Variants in TBXAS1 observed in about 807,000 individuals in gnomAD.
TBXAS1 encodes the protein thromboxane A synthase 1, also known as thromboxane-A synthase.
TBXAS1 carries 48 observed loss-of-function variants against 60.7 expected under a neutral mutation model. The ratio of observed to expected loss-of-function variants is 0.79; its 90% confidence interval spans 0.63 to 1.01. The LOEUF (loss-of-function observed/expected upper bound fraction) is 1.01. TBXAS1 is among the 50% of genes least tolerant of loss of function. The probability of loss-of-function intolerance (pLI) is 0.00; values close to 1 mark genes in which losing one functional copy is unlikely to be tolerated. For synonymous variants in TBXAS1, 287 were observed against 269.7 expected (o/e 1.06, Z -0.63); for missense variants, 685 against 686.3 (o/e 1.00, Z 0.02).
intron 5 of TBXAS1, among the ~76,000 whole-genome samples, chr7:139,950,608 C>G (rs1809129791): frequency 6.6e-6 from 1 of 152,102 alleles, no homozygotes; most frequent in African/African-American, 2.4e-5. Context: ...TTGGTTACCA[C>G]CTCCACGTGG....
chr7:139,906,144 C>T, intron 3 of TBXAS1: 1 of 369,448 alleles, frequency 2.7e-6, no homozygotes, highest in Non-Finnish European at 5.3e-6. Flanking sequence ...CAACCTCCAC[C>T]TTCCAGGTTC....
intron 4 of TBXAS1, among the ~76,000 whole-genome samples, chr7:139,798,449 A>G (rs1797627587): frequency 6.6e-6 from 1 of 152,228 alleles, no homozygotes; most frequent in African/African-American, 2.4e-5. Context: ...ACTGCCTAAC[A>G]TATGGCTCAC....
chr7:140,003,024 T>A (rs532295275), intron 9 of TBXAS1, among the ~76,000 whole-genome samples: 17 of 147,784 alleles, frequency 1.2e-4, no homozygotes, highest in Admixed American at 2.7e-4. Context: ...CTCGGGAGGC[T>A]GAGGCAGAAG....
intron 3 of TBXAS1, among the ~76,000 whole-genome samples, chr7:139,898,413 C>CTTTTTTTTTTTTTTTT (rs71170921): frequency 1.1e-4 from 9 of 82,252 alleles, no homozygotes; most frequent in African/African-American, 4.4e-4. Context: ...ACGTGCATGG[C>CTTTTTTTTTTTTTTTT]TTTTTTTTTT....
chr7:139,778,431 A>G lies in TBXAS1; in HGVS notation c.-358A>G, dbSNP rs1244714278. The G allele has an allele frequency of 1.3e-5, 2 of 153,078 alleles. No homozygotes were observed. Among genetic ancestry groups the G allele is most frequent in the African/African-American group, 4.8e-5 (2 of 41,304 alleles). 9.5% of individuals were successfully genotyped at this position (153,078 alleles called of 1,614,324 possible). ...CCCGAAAGAGAGCCCCACGCTGGCA[A>G]AGTGGCTCGCCCATCTCACAGCCGG... is the stretch of plus-strand genomic sequence containing the variant. On this transcript the variant is annotated 5_prime_UTR_variant, in exon 1 of 17. Coordinates refer to the TBXAS1 transcript ENST00000336425. This position sits in a 1 kb window ranked among gnomAD's most constrained non-coding sequence, Gnocchi z 4.8.
intron 4 of TBXAS1, among the ~76,000 whole-genome samples, chr7:139,791,806 TTG>T (rs372390916): frequency 0.12 from 13,006 of 105,132 alleles, 714 homozygotes; most frequent in East Asian, 0.27. Context: ...TTGGAATGTT[TTG>T]TTTTTTTTTT....
At chr7:139,821,433 A>G (rs904221154) in intron 4 of TBXAS1, among the ~76,000 whole-genome samples, 1 of 152,232 alleles carries the variant, frequency 6.6e-6, no homozygotes, top group African/African-American at 2.4e-5. Flanking sequence ...TGAGATTGCA[A>G]TGTGATAGGT....
At chr7:139,805,658 TTC>T (rs774594041) in intron 4 of TBXAS1, among the ~76,000 whole-genome samples, 84 of 137,106 alleles carry the variant, frequency 6.1e-4, no homozygotes, top group Middle Eastern at 3.5e-3. Context: ...TCCCTTCTTT[TTC>T]TCTTTCTTTC....
intron 1 of TBXAS1, among the ~76,000 whole-genome samples, chr7:139,839,425 G>A (rs1317083644): frequency 6.6e-6 from 1 of 152,106 alleles, no homozygotes; most frequent in Non-Finnish European, 1.5e-5. Flanking sequence ...GAAGCGGCAA[G>A]GAAGGTGAGT....
intron 4 of TBXAS1, among the ~76,000 whole-genome samples, chr7:139,933,696 T>G (rs1056956709): frequency 6.6e-6 from 1 of 152,136 alleles, no homozygotes. Context: ...TATCAGAAAA[T>G]TATAATTTTC....
intron 2 of TBXAS1, among the ~76,000 whole-genome samples, chr7:139,873,558 C>T (rs73734133): frequency 0.054 from 8,284 of 152,090 alleles, 625 homozygotes; most frequent in African/African-American, 0.17. Flanking sequence ...CAAACATAAG[C>T]CTAAGCTTTG....
At chr7:140,018,367 T>C (rs1815268909) in intron 12 of TBXAS1, among the ~76,000 whole-genome samples, 1 of 151,990 alleles carries the variant, frequency 6.6e-6, no homozygotes, top group Non-Finnish European at 1.5e-5. Context: ...AGCTTTGCCT[T>C]CCCCCCTTGT....
At chr7:139,922,898 C>T (rs1003315768) in intron 4 of TBXAS1, among the ~76,000 whole-genome samples, 1 of 152,162 alleles carries the variant, frequency 6.6e-6, no homozygotes, top group African/African-American at 2.4e-5. Context: ...TTGAATAGCA[C>T]CTTTGTCATA....
rs1290518517 is a variant in TBXAS1 at position 139,843,489 on chromosome 7, C to T, written c.89+14010C>T. Among the ~76,000 whole-genome samples the T allele has an allele frequency of 3.9e-5, 6 of 152,188 alleles. No homozygotes were observed. The East Asian group carries it at 5.8e-4, about 15-fold the overall frequency. ...TCCTGAGTAGCTGGGGCTACAGGTG[C>T]GTGCCACCATACCCAGCTAATTTTT... On this transcript the variant is annotated intron_variant, in intron 1 of 12. Coordinates refer to ENST00000448866, the MANE Select transcript of TBXAS1 (RefSeq NM_001061.7).
chr7:139,816,071 T>A (rs1197475967), intron 4 of TBXAS1, among the ~76,000 whole-genome samples: 6 of 152,072 alleles, frequency 3.9e-5, no homozygotes, highest in Admixed American at 3.9e-4. Flanking sequence ...AGTGAGTGAG[T>A]TCTCATGAGA....
intron 4 of TBXAS1, among the ~76,000 whole-genome samples, chr7:139,806,755 C>T (rs1797888409): frequency 2.0e-5 from 3 of 152,124 alleles, no homozygotes; most frequent in African/African-American, 7.2e-5. Context: ...TCCCCATCCT[C>T]CCTCTCATCT....
At chr7:140,000,385 G>C (rs1473914070) in intron 9 of TBXAS1, among the ~76,000 whole-genome samples, 1 of 152,162 alleles carries the variant, frequency 6.6e-6, no homozygotes, top group Non-Finnish European at 1.5e-5. Context: ...GCTTGCACCT[G>C]TAGTCCCAGT....
chr7:139,938,159 G>T (rs545178713), intron 5 of TBXAS1, among the ~76,000 whole-genome samples: 1 of 152,150 alleles, frequency 6.6e-6, no homozygotes, highest in Non-Finnish European at 1.5e-5. Context: ...GCTGGCCCGC[G>T]GCCCACATGT....
rs572816457 is a variant in TBXAS1 at position 139,913,928 on chromosome 7, G to A, written c.333+2607G>A. The A allele has an allele frequency of 1.3e-4, 20 of 152,854 alleles. 1 individual carries two copies. The East Asian group carries it at 3.5e-3, about 27-fold the overall frequency. 9.5% of individuals were successfully genotyped at this position (152,854 alleles called of 1,614,324 possible). On this transcript the variant is annotated intron_variant, in intron 4 of 12. Coordinates refer to ENST00000448866, the MANE Select transcript of TBXAS1 (RefSeq NM_001061.7). ...CCTGCTCACCCTCACCTGCTCTGGAGAGACCTGACCTCTGCCTTGCTCACG... is the reference window on the plus strand; with the variant it reads ...CCTGCTCACCCTCACCTGCTCTGGAAAGACCTGACCTCTGCCTTGCTCACG...
Sources: allele counts gnomAD v4.1 joint callset (sites outside exome capture counted in the v4.1 genomes callset), GRCh38; gene constraint gnomAD v4.1.1; non-coding constraint Gnocchi (gnomAD v3.1); transcripts MANE v1.5; gene names NCBI Gene and HGNC (gene_info 2026-07-23, HGNC 2026-07-21).